Variants in SYT16 observed in about 807,000 individuals in gnomAD.
The protein encoded by SYT16 is synaptotagmin-16.
In SYT16, 42 loss-of-function variants were observed where a neutral mutation model predicts 61.4. That is an observed-to-expected ratio of 0.68 (90% CI 0.53 to 0.89). The LOEUF (loss-of-function observed/expected upper bound fraction) is 0.89, where lower values mean the gene tolerates loss of function less well. Among genes scored for constraint, SYT16 ranks in the 40% least tolerant of loss-of-function variants. The pLI, the probability that SYT16 is intolerant of heterozygous loss-of-function variation, is 0.00. For synonymous variants in SYT16, 314 were observed against 302.3 expected (o/e 1.04, Z -0.40); for missense variants, 804 against 807.3 (o/e 1.00, Z 0.05).
chr14:61,886,174 C>G (rs2047892929), intron 1 of SYT16, among the ~76,000 whole-genome samples: 1 of 151,998 alleles, frequency 6.6e-6, no homozygotes, highest in African/African-American at 2.4e-5. Context: ...CCATGTTGGC[C>G]AGGATGGTCT....
intron 3 of SYT16, among the ~76,000 whole-genome samples, chr14:62,018,190 G>A (rs981139030): frequency 1.3e-5 from 2 of 151,396 alleles, no homozygotes; most frequent in African/African-American, 4.9e-5. Flanking sequence ...ATAAGGTCCT[G>A]TGTCATCTAG....
intron 1 of SYT16, among the ~76,000 whole-genome samples, chr14:61,948,591 C>A (rs1178886510): frequency 6.6e-6 from 1 of 152,048 alleles, no homozygotes; most frequent in East Asian, 1.9e-4. Flanking sequence ...AGTGAAGTCC[C>A]AGGCTTGATG....
At chr14:61,976,279 C>G (rs1327279834) in intron 2 of SYT16, among the ~76,000 whole-genome samples, 1 of 152,162 alleles carries the variant, frequency 6.6e-6, no homozygotes, top group African/African-American at 2.4e-5. Context: ...GTGGCTTTTC[C>G]AGGCACATGG....
In SYT16 at chr14:61,813,943, C is replaced by A. The variant is rs529712116; in HGVS notation, c.-325+1133C>A. ...CACAGCTTTAGGATAGTGTGGAGAG[C>A]TTGAGTTTTTGTAGTCAAACAGACC... On this transcript the variant is annotated intron_variant, in intron 1 of 7. Transcript: ENST00000683842. Among the ~76,000 whole-genome samples, 3 of 151,922 alleles carry A rather than the reference C, an allele frequency of 2.0e-5. No homozygotes were observed. The South Asian group carries it at 6.2e-4, about 32-fold the overall frequency.
chr14:62,035,774 A>G (rs1432872268), intron 3 of SYT16, among the ~76,000 whole-genome samples: 1 of 152,196 alleles, frequency 6.6e-6, no homozygotes, highest in Non-Finnish European at 1.5e-5. Context: ...TATAAAGACT[A>G]ATGAAATATA....
chr14:61,918,393 AGGT>A (rs1398429867), intron 1 of SYT16, among the ~76,000 whole-genome samples: 1 of 152,166 alleles, frequency 6.6e-6, no homozygotes, highest in Non-Finnish European at 1.5e-5. Context: ...TAAAGCCAAC[AGGT>A]GGTGATGGCT....
At chr14:61,970,859 C>T (rs1163491562) in intron 2 of SYT16, among the ~76,000 whole-genome samples, 1 of 151,944 alleles carries the variant, frequency 6.6e-6, no homozygotes, top group African/African-American at 2.4e-5. Context: ...GATGTTCTTA[C>T]AGAGGGATGG....
At chr14:61,904,370 G>C (rs911644860) in intron 1 of SYT16, among the ~76,000 whole-genome samples, 4 of 152,194 alleles carry the variant, frequency 2.6e-5, no homozygotes, top group African/African-American at 9.7e-5. Flanking sequence ...TCCTTTCAGG[G>C]CCTCGGCAGG....
intron 2 of SYT16, among the ~76,000 whole-genome samples, chr14:61,990,043 GAT>G (rs1167334683): frequency 1.3e-5 from 2 of 152,094 alleles, no homozygotes; most frequent in Non-Finnish European, 2.9e-5. Flanking sequence ...TGCTGTAGAA[GAT>G]ATTTCATTTC....
rs145490572 is a variant in SYT16 at position 62,067,925 on chromosome 14, G to A, written c.524-1678G>A. 8.5e-3 allele frequency among the ~76,000 whole-genome samples: 1,294 copies of A among 152,328 alleles called. 12 individuals carry two copies. The highest frequency in any genetic ancestry group is 0.012 in the Non-Finnish European group (826 of 68,028). On this transcript the variant is annotated intron_variant, in intron 3 of 7. Transcript: ENST00000683842. ...TGCTTGAACCTAGGAGACAGAGGTT[G>A]CAGTGAGCTGAGATTGTGGCACTGC...
intron 5 of SYT16, 69 bp from the exon 6 acceptor site, chr14:62,080,765 C>T: frequency 1.3e-6 from 2 of 1,484,456 alleles, no homozygotes; most frequent in African/African-American, 2.8e-5. Context: ...CACAAAGGGG[C>T]ACCAACTGGC....
chr14:61,865,868 A>G (rs1414291178), intron 1 of SYT16, among the ~76,000 whole-genome samples: 1 of 152,112 alleles, frequency 6.6e-6, no homozygotes, highest in Non-Finnish European at 1.5e-5. Flanking sequence ...CCCAGTCAAA[A>G]TGCTTTCTAA....
intron 2 of SYT16, among the ~76,000 whole-genome samples, chr14:61,995,643 G>A (rs1353048966): frequency 5.3e-5 from 8 of 152,162 alleles, no homozygotes; most frequent in South Asian, 2.1e-4. Context: ...CTCAGTCCAC[G>A]TGAACAGAAC....
chr14:61,880,697 A>G (rs1242290496), intron 1 of SYT16, among the ~76,000 whole-genome samples: 6 of 152,036 alleles, frequency 3.9e-5, no homozygotes, highest in Non-Finnish European at 8.8e-5. Context: ...ATTTTTTACT[A>G]GATATTTTAT....
intron 1 of SYT16, among the ~76,000 whole-genome samples, chr14:61,926,995 G>A (rs904125572): frequency 6.6e-6 from 1 of 152,180 alleles, no homozygotes; most frequent in African/African-American, 2.4e-5. Context: ...AGACTCAGCT[G>A]TAATTATAGG....
In SYT16 at chr14:61,950,941, G is replaced by T. The variant is rs181063883; in HGVS notation, c.-324-19191G>T. ...TAGAGAAACTTCCCCATAGGAAGAG[G>T]TTCCTACTAAGGAACTTGAATAGAT... is the stretch of plus-strand genomic sequence containing the variant. On this transcript the variant is annotated intron_variant, in intron 1 of 7. Coordinates refer to ENST00000683842, the MANE Select transcript of SYT16 (RefSeq NM_001367656.1). Among the ~76,000 whole-genome samples, 3 of 152,308 alleles carry T rather than the reference G, an allele frequency of 2.0e-5. No homozygotes were observed. In the East Asian group the frequency reaches 5.8e-4, roughly 29 times the overall value.
chr14:62,057,580 G>C (rs1415431947), intron 3 of SYT16, among the ~76,000 whole-genome samples: 1 of 152,152 alleles, frequency 6.6e-6, no homozygotes, highest in African/African-American at 2.4e-5. Flanking sequence ...GGGTACTTGG[G>C]CTTCTTTCCT....
At chr14:61,853,166 G>A (rs1298821896) in intron 1 of SYT16, among the ~76,000 whole-genome samples, 3 of 152,140 alleles carry the variant, frequency 2.0e-5, no homozygotes, top group African/African-American at 4.8e-5. Context: ...TGATCCACCC[G>A]CTTTGGCCTC....
At chr14:62,006,471 A>AT (rs1456984328) in intron 3 of SYT16, among the ~76,000 whole-genome samples, 1 of 152,144 alleles carries the variant, frequency 6.6e-6, no homozygotes, top group Non-Finnish European at 1.5e-5. Flanking sequence ...TTAATGTGCC[A>AT]TATTTTTCTC....
Sources: allele counts gnomAD v4.1 joint callset (sites outside exome capture counted in the v4.1 genomes callset), GRCh38; gene constraint gnomAD v4.1.1; transcripts MANE v1.5; gene names NCBI Gene and HGNC (gene_info 2026-07-23, HGNC 2026-07-21).